The following CNTN5 variants were observed in gnomAD, a reference collection of about 807,000 sequenced individuals.
The protein encoded by CNTN5 is contactin 5, also known as contactin-5.
In CNTN5, 77 loss-of-function variants were observed where a neutral mutation model predicts 129.1. The observed-to-expected ratio is 0.60, with a 90% CI of 0.50 to 0.72. CNTN5 has a LOEUF of 0.72. Among genes scored for constraint, CNTN5 ranks in the 30% least tolerant of loss-of-function variants. CNTN5 has a pLI of 0.00. For synonymous variants in CNTN5, 509 were observed against 465.6 expected (o/e 1.09, Z -1.20); for missense variants, 1,478 against 1,328.8 (o/e 1.11, Z -1.75).
chr11:99,692,272 C>A (rs1350675870), intron 3 of CNTN5, among the ~76,000 whole-genome samples: 1 of 152,084 alleles, frequency 6.6e-6, no homozygotes, highest in East Asian at 1.9e-4. Context: ...GGATTTGATT[C>A]TGTCATCATG....
chr11:99,385,940 G>A (rs1015531028), intron 2 of CNTN5, among the ~76,000 whole-genome samples: 2 of 152,132 alleles, frequency 1.3e-5, no homozygotes, highest in Admixed American at 6.5e-5. Flanking sequence ...TGCATTTCCT[G>A]TATAACTATT....
At chr11:99,035,716 CTT>C (rs1313538007) in intron 1 of CNTN5, among the ~76,000 whole-genome samples, 1 of 151,422 alleles carries the variant, frequency 6.6e-6, no homozygotes, top group Non-Finnish European at 1.5e-5. Flanking sequence ...GGTCTTGACT[CTT>C]TATCCAATTT....
At chr11:99,729,438 T>C (rs539705849) in intron 3 of CNTN5, among the ~76,000 whole-genome samples, 6 of 152,286 alleles carry the variant, frequency 3.9e-5, no homozygotes, top group Non-Finnish European at 8.8e-5. Context: ...TTTTTTCTGC[T>C]CCTCTCCTCC....
At chr11:99,042,365 CTTT>C (rs1210153589) in intron 1 of CNTN5, among the ~76,000 whole-genome samples, 12 of 83,790 alleles carry the variant, frequency 1.4e-4, no homozygotes, top group African/African-American at 5.0e-4. Flanking sequence ...TCTTCTTCTT[CTTT>C]TTTTTTTTTT....
chr11:99,345,458 T>C (rs530432003), intron 2 of CNTN5, among the ~76,000 whole-genome samples: 155 of 152,332 alleles, frequency 1.0e-3, no homozygotes, highest in African/African-American at 3.6e-3. Flanking sequence ...CCAAAACTTA[T>C]GCCCTCATCC....
rs1939911181 is a variant in CNTN5, at chr11:100,002,095, T to TAAAGGAACAACTGTTAAGATGG, written c.942_963dup (p.Cys322ArgfsTer5). Reference sequence around the variant, plus strand: ...ATTTTCCTTTCACGGTTACAGCTGCTAAAGGAACAACTGTTAAGATGGAAT... The same window carrying TAAAGGAACAACTGTTAAGATGG: ...ATTTTCCTTTCACGGTTACAGCTGCTAAAGGAACAACTGTTAAGATGGAAAGGAACAACTGTTAAGATGGAAT... On this transcript the variant is annotated frameshift_variant, in exon 9 of 25. Transcript: ENST00000524871. LOFTEE classifies it high-confidence loss of function. The TAAAGGAACAACTGTTAAGATGG allele has an allele frequency of 6.3e-7, 1 of 1,598,014 alleles. No individual in the cohort carries two copies. Among genetic ancestry groups the TAAAGGAACAACTGTTAAGATGG allele is most frequent in the Non-Finnish European group, 8.5e-7 (1 of 1,175,262 alleles).
intron 3 of CNTN5, among the ~76,000 whole-genome samples, chr11:99,772,869 G>A (rs1944992658): frequency 6.6e-6 from 1 of 152,034 alleles, no homozygotes; most frequent in Non-Finnish European, 1.5e-5. Context: ...GGATGGGATT[G>A]TAGATCATGT....
intron 21 of CNTN5, among the ~76,000 whole-genome samples, chr11:100,317,314 A>G (rs1951590645): frequency 6.6e-6 from 1 of 152,282 alleles, no homozygotes; most frequent in East Asian, 1.9e-4. Flanking sequence ...GTGAAGATGG[A>G]CTTTAAGATA....
chr11:99,229,268 A>G (rs1342918301), intron 1 of CNTN5, among the ~76,000 whole-genome samples: 2 of 152,060 alleles, frequency 1.3e-5, no homozygotes, highest in Non-Finnish European at 2.9e-5. Flanking sequence ...AAAAATACAT[A>G]GTATTACTAA....
intron 1 of CNTN5, among the ~76,000 whole-genome samples, chr11:99,236,706 G>A (rs1038525313): frequency 8.5e-5 from 13 of 152,144 alleles, no homozygotes; most frequent in African/African-American, 3.1e-4. Context: ...TAAGCATGGA[G>A]AGAATTATTG....
chr11:99,303,496 C>T (rs1864735186), intron 1 of CNTN5, among the ~76,000 whole-genome samples: 1 of 150,318 alleles, frequency 6.7e-6, no homozygotes. Context: ...TTATATCTAG[C>T]TTGTGACCTA....
At chr11:99,370,633 AT>A (rs1393251579) in intron 2 of CNTN5, among the ~76,000 whole-genome samples, 8 of 152,230 alleles carry the variant, frequency 5.3e-5, no homozygotes, top group Non-Finnish European at 7.3e-5. Flanking sequence ...TCTAATTATC[AT>A]TTGGATCAGA....
rs560193349 is a variant in CNTN5, at chr11:99,178,601, A to T, written c.-209-146745A>T. Among the ~76,000 whole-genome samples the T allele has an allele frequency of 6.6e-5, 10 of 152,160 alleles. No individual in the cohort carries two copies. In the East Asian group the frequency reaches 1.9e-3, roughly 29 times the overall value. Reference sequence around the variant, plus strand: ...AATGCAAATGGTGTTTATATCTATAATTAATTGGAAAAATGTATACAGATT... The same window carrying T: ...AATGCAAATGGTGTTTATATCTATATTTAATTGGAAAAATGTATACAGATT... On this transcript the variant is annotated intron_variant, in intron 1 of 24. Transcript: ENST00000524871.
chr11:100,121,523 T>C (rs1229020711), intron 13 of CNTN5, among the ~76,000 whole-genome samples: 2 of 151,642 alleles, frequency 1.3e-5, no homozygotes, highest in Non-Finnish European at 2.9e-5. Context: ...GGGAGGGCAA[T>C]TGTTCCTCTC....
intron 2 of CNTN5, among the ~76,000 whole-genome samples, chr11:99,350,252 GGAATGCCTAAAATACACCACCT>G (rs1565511889): frequency 6.6e-6 from 1 of 151,774 alleles, no homozygotes; most frequent in African/African-American, 2.4e-5. Flanking sequence ...AATTAACAAC[GGAATGCCTAAAATACACCACCT>G]GAATGCCTAA....
chr11:99,999,009 G>A, intron 8 of CNTN5, among the ~76,000 whole-genome samples: 1 of 152,070 alleles, frequency 6.6e-6, no homozygotes, highest in East Asian at 1.9e-4. Flanking sequence ...ATTAATTCAA[G>A]ATGGAATAAA....
chr11:99,690,674 T>A (rs184576641), intron 3 of CNTN5, among the ~76,000 whole-genome samples: 4 of 152,284 alleles, frequency 2.6e-5, no homozygotes, highest in Admixed American at 2.6e-4. Context: ...GTAGTTCTCC[T>A]TGAAGAGGTC....
chr11:99,683,838 T>C (rs1000823465), intron 3 of CNTN5, among the ~76,000 whole-genome samples: 1 of 151,644 alleles, frequency 6.6e-6, no homozygotes, highest in African/African-American at 2.4e-5. Flanking sequence ...ATTTTAAAAA[T>C]TATATATTTA....
intron 6 of CNTN5, among the ~76,000 whole-genome samples, chr11:99,877,690 A>G (rs1948669618): frequency 6.6e-6 from 1 of 152,222 alleles, no homozygotes; most frequent in Non-Finnish European, 1.5e-5. Context: ...GCTTAAAATT[A>G]CATGCTGTAG....
Sources: allele counts gnomAD v4.1 joint callset (sites outside exome capture counted in the v4.1 genomes callset), GRCh38; gene constraint gnomAD v4.1.1; transcripts MANE v1.5; gene names NCBI Gene and HGNC (gene_info 2026-07-23, HGNC 2026-07-21).